CCDC170: variants seen among roughly 807,000 people sequenced by gnomAD.
The protein encoded by CCDC170 is coiled-coil domain containing 170.
CCDC170 carries 69 observed loss-of-function variants against 72.6 expected under a neutral mutation model. The ratio of observed to expected loss-of-function variants is 0.95; its 90% CI spans 0.78 to 1.16. CCDC170 has a LOEUF of 1.16. CCDC170 is among the 50% of genes most tolerant of loss of function. The pLI is 0.00. For synonymous variants in CCDC170, 300 were observed against 303.9 expected (o/e 0.99, Z 0.13); for missense variants, 852 against 832.5 (o/e 1.02, Z -0.29).
intron 3 of CCDC170, among the ~76,000 whole-genome samples, chr6:151,539,080 G>A (rs1486909617): frequency 6.6e-6 from 1 of 151,954 alleles, no homozygotes; most frequent in African/African-American, 2.4e-5. Context: ...TGGCCAACAT[G>A]GTGAAACCCC....
At chr6:151,520,726 G>C in intron 1 of CCDC170, among the ~76,000 whole-genome samples, 1 of 152,170 alleles carries the variant, frequency 6.6e-6, no homozygotes, top group East Asian at 1.9e-4. Context: ...GCATGACCCA[G>C]ATTGATAAAC....
intron 3 of CCDC170, among the ~76,000 whole-genome samples, chr6:151,541,884 A>G (rs58056148): frequency 3.1e-5 from 1 of 32,050 alleles, no homozygotes; most frequent in Non-Finnish European, 9.4e-5. Context: ...ATATATATAT[A>G]TATTTTTTTT....
In CCDC170 at chr6:151,495,973, AT is replaced by A. The variant is rs1190760756; in HGVS notation, c.57+1796del. Among the ~76,000 whole-genome samples the A allele has an allele frequency of 8.6e-5, 13 of 152,016 alleles. No homozygotes were observed. In the East Asian group the frequency reaches 2.5e-3, roughly 29 times the overall value. On this transcript the variant is annotated intron_variant, in intron 1 of 10. Coordinates refer to ENST00000239374, the MANE Select transcript of CCDC170 (RefSeq NM_025059.4). ...GTCCCAATTATGCCATTTATTGCCA[AT>A]TTTTTTTCCATCTCAGGATCACACA...
intron 5 of CCDC170, among the ~76,000 whole-genome samples, chr6:151,550,361 C>T (rs546023108): frequency 6.6e-6 from 1 of 152,256 alleles, no homozygotes; most frequent in Admixed American, 6.5e-5. Flanking sequence ...GAGGAGGGGC[C>T]TGGGGAATTG....
intron 1 of CCDC170, among the ~76,000 whole-genome samples, chr6:151,517,730 C>A (rs893497201): frequency 1.3e-5 from 2 of 152,094 alleles, no homozygotes; most frequent in African/African-American, 2.4e-5. Context: ...GCGTGAGCCA[C>A]CGTGCCCGGC....
At chr6:151,573,644 A>T (rs1562286825) in intron 6 of CCDC170, among the ~76,000 whole-genome samples, 153 bp downstream of exon 6, 1 of 152,224 alleles carries the variant, frequency 6.6e-6, no homozygotes, top group Non-Finnish European at 1.5e-5. Context: ...ATGGATTCAC[A>T]GTTCCACATG....
At chr6:151,545,053 C>T (rs1451003892) in intron 4 of CCDC170, among the ~76,000 whole-genome samples, 2 of 152,120 alleles carry the variant, frequency 1.3e-5, no homozygotes, top group Non-Finnish European at 2.9e-5. Flanking sequence ...CATATACTCA[C>T]ACAAGCAGCT....
intron 5 of CCDC170, among the ~76,000 whole-genome samples, chr6:151,570,990 G>A (rs1228505965): frequency 6.6e-6 from 1 of 152,128 alleles, no homozygotes; most frequent in Non-Finnish European, 1.5e-5. Flanking sequence ...AAAAGGGCAG[G>A]CTTCTCTAAC....
At chr6:151,496,462 C>A (rs1282566087) in intron 1 of CCDC170, among the ~76,000 whole-genome samples, 1 of 152,096 alleles carries the variant, frequency 6.6e-6, no homozygotes, top group Non-Finnish European at 1.5e-5. Context: ...GAAAAGGCAG[C>A]ATTTATTACA....
rs1182361558 is a variant in CCDC170 at position 151,573,209 on chromosome 6, T to C, written c.810T>C (p.Leu270=). Residue 270 remains leucine (L), a synonymous_variant, in exon 6 of 11, where the codon CTT becomes CTC. Coordinates refer to ENST00000239374, the MANE Select transcript of CCDC170 (RefSeq NM_025059.4). The part of the protein sequence containing the change: ...LLSAVEAKEA[L]EREVKIFQER... ...GTGCTGTAGAAGCAAAAGAAGCTCT[T>C]GAAAGGGAAGTTAAGATCTTCCAAG... is the stretch of plus-strand genomic sequence containing the variant. 1 of 1,613,874 alleles carries C rather than the reference T, an allele frequency of 6.2e-7. No individual in the cohort carries two copies. Among genetic ancestry groups the C allele is most frequent in the Non-Finnish European group, 8.5e-7 (1 of 1,179,958 alleles).
intron 9 of CCDC170, among the ~76,000 whole-genome samples, chr6:151,599,872 G>A (rs1562296139): frequency 2.0e-5 from 3 of 152,184 alleles, no homozygotes; most frequent in Admixed American, 6.5e-5. Flanking sequence ...ATACCCTTCC[G>A]GGATACTTGG....
intron 5 of CCDC170, among the ~76,000 whole-genome samples, chr6:151,562,648 AG>A (rs1355956423): frequency 6.6e-6 from 1 of 152,148 alleles, no homozygotes; most frequent in African/African-American, 2.4e-5. Context: ...GGGGGTGCAG[AG>A]TCCTGGGGCA....
chr6:151,509,222 GTATCTATCTATCTATCTA>G (rs1782110898), intron 1 of CCDC170, among the ~76,000 whole-genome samples: 1 of 127,344 alleles, frequency 7.9e-6, no homozygotes, highest in African/African-American at 3.3e-5. Flanking sequence ...ATCTATCTAT[GTATCTATCTATCTATCTA>G]TCTATCTATC....
intron 5 of CCDC170, among the ~76,000 whole-genome samples, chr6:151,570,699 C>T (rs1776205033): frequency 1.3e-5 from 2 of 152,226 alleles, no homozygotes; most frequent in East Asian, 1.9e-4. Flanking sequence ...AAATATGCCC[C>T]AATTTATTAT....
At chr6:151,498,710 C>T (rs1316778578) in intron 1 of CCDC170, among the ~76,000 whole-genome samples, 1 of 151,990 alleles carries the variant, frequency 6.6e-6, no homozygotes, top group Non-Finnish European at 1.5e-5. Flanking sequence ...CTGTATTTGA[C>T]TATTCTAGGC....
chr6:151,522,559 T>C (rs1782337670), intron 1 of CCDC170, among the ~76,000 whole-genome samples: 1 of 152,142 alleles, frequency 6.6e-6, no homozygotes, highest in Non-Finnish European at 1.5e-5. Flanking sequence ...CAATGGGAAT[T>C]AGTTTAGCCT....
chr6:151,613,773 G>A (rs1282988223), intron 9 of CCDC170, among the ~76,000 whole-genome samples: 2 of 152,098 alleles, frequency 1.3e-5, no homozygotes, highest in African/African-American at 4.8e-5. Flanking sequence ...CTACTTTTTG[G>A]TGATTACGAA....
At chr6:151,505,029 G>A (rs1021151945) in intron 1 of CCDC170, among the ~76,000 whole-genome samples, 4 of 152,122 alleles carry the variant, frequency 2.6e-5, no homozygotes, top group Non-Finnish European at 4.4e-5. Flanking sequence ...TGATTTGTGT[G>A]TCAAGGCCCA....
chr6:151,590,846 TCATGTAATAGGTA>T (rs1386907842), intron 7 of CCDC170, among the ~76,000 whole-genome samples: 15 of 152,192 alleles, frequency 9.9e-5, no homozygotes, highest in Admixed American at 2.0e-4. Flanking sequence ...TTTCATACCG[TCATGTAATAGGTA>T]CTTATCTATT....
Sources: allele counts gnomAD v4.1 joint callset (sites outside exome capture counted in the v4.1 genomes callset), GRCh38; gene constraint gnomAD v4.1.1; transcripts MANE v1.5; gene names NCBI Gene and HGNC (gene_info 2026-07-23, HGNC 2026-07-21).